Variants in TSPEAR observed in about 807,000 individuals in gnomAD.
TSPEAR encodes thrombospondin type laminin G domain and EAR repeats, also known as thrombospondin-type laminin G domain and EAR repeat-containing protein.
Under a neutral mutation model 71.6 loss-of-function variants are expected in TSPEAR, and 69 were observed. That is an observed-to-expected ratio of 0.96 (90% CI 0.79 to 1.18). The LOEUF (loss-of-function observed/expected upper bound fraction) is 1.18, where lower values mean the gene tolerates loss of function less well. Among genes scored for constraint, TSPEAR ranks in the 50% most tolerant of loss-of-function variants. The probability of loss-of-function intolerance (pLI) is 0.00; values close to 1 mark genes in which losing one functional copy is unlikely to be tolerated. For synonymous variants in TSPEAR, 402 were observed against 387.2 expected (o/e 1.04, Z -0.45); for missense variants, 971 against 894.9 (o/e 1.09, Z -1.09).
intron 1 of TSPEAR, chr21:44,573,647 A>G: frequency 6.6e-7 from 1 of 1,524,534 alleles, no homozygotes; most frequent in Non-Finnish European, 8.8e-7. Context: ...TGTCTGGACA[A>G]CATGCACCAA....
intron 1 of TSPEAR, among the ~76,000 whole-genome samples, chr21:44,570,789 C>T (rs1459201018): frequency 6.6e-6 from 1 of 152,076 alleles, no homozygotes; most frequent in Non-Finnish European, 1.5e-5. Flanking sequence ...AATTGATAAA[C>T]AATATGGAGA....
At chr21:44,517,921 G>A (rs2052631130) in intron 9 of TSPEAR, 1 of 466,756 alleles carries the variant, frequency 2.1e-6, no homozygotes, top group Non-Finnish European at 4.5e-6. Flanking sequence ...AGCCTTCTCT[G>A]ACAATTCCAT....
intron 1 of TSPEAR, among the ~76,000 whole-genome samples, chr21:44,669,613 CTGCCAGG>C (rs1985959869): frequency 2.0e-5 from 3 of 152,088 alleles, no homozygotes; most frequent in African/African-American, 7.2e-5. Flanking sequence ...TGGACTGAGG[CTGCCAGG>C]CTGAAAACCG....
At chr21:44,563,059 G>T (rs1324540638) in intron 2 of TSPEAR, among the ~76,000 whole-genome samples, 1 of 152,068 alleles carries the variant, frequency 6.6e-6, no homozygotes, top group Non-Finnish European at 1.5e-5. Flanking sequence ...ATAACATATA[G>T]AAATCTAATA....
At chr21:44,557,936 G>T in intron 2 of TSPEAR, 1 of 1,226,854 alleles carries the variant, frequency 8.2e-7, no homozygotes, top group East Asian at 2.5e-5. Flanking sequence ...AGCATTGCTG[G>T]CTGGAGGTGC....
chr21:44,586,554 C>A (rs1979350435), intron 1 of TSPEAR, among the ~76,000 whole-genome samples: 1 of 152,084 alleles, frequency 6.6e-6, no homozygotes, highest in Non-Finnish European at 1.5e-5. Context: ...TGTTTCTCAG[C>A]CATCACCAAT....
At chr21:44,524,515 T>G (rs948709610) in intron 8 of TSPEAR, among the ~76,000 whole-genome samples, 1 of 151,646 alleles carries the variant, frequency 6.6e-6, no homozygotes, top group Non-Finnish European at 1.5e-5. Flanking sequence ...AGTCAGGCAG[T>G]CAGTCAGTCA....
In TSPEAR at chr21:44,579,680, G is replaced by A. The variant is rs1259551151; in HGVS notation, c.83-11675C>T. ...CATGGGGGCCCCGTCCCAAGCGGGG[G>A]CAACCTCCTAACCCGAGTCAGGACC... On this transcript the variant is annotated intron_variant, in intron 1 of 11. Coordinates refer to ENST00000323084, the MANE Select transcript of TSPEAR (RefSeq NM_144991.3). 5.2e-6 allele frequency: 8 copies of A among 1,528,382 alleles called. No individual in the cohort carries two copies. In the South Asian group the frequency reaches 7.5e-5, roughly 14 times the overall value. 94.7% of individuals were successfully genotyped at this position (1,528,382 alleles called of 1,614,324 possible).
In TSPEAR at chr21:44,617,722, C is replaced by T. The variant is rs117887490; in HGVS notation, c.83-49717G>A. Among the ~76,000 whole-genome samples the T allele has an allele frequency of 4.8e-3, 725 of 152,368 alleles. 6 individuals are homozygous for T. Among genetic ancestry groups the T allele is most frequent in the Non-Finnish European group, 8.5e-3 (577 of 68,030 alleles). ...ATAAAGAAAAATATCTTATGGTTTT[C>T]TTCAGCAAGCTGCGCAGTGTTCCAA... On this transcript the variant is annotated intron_variant, in intron 1 of 11. Transcript: ENST00000323084.
At chr21:44,556,113 C>T (rs1002124272) in intron 2 of TSPEAR, among the ~76,000 whole-genome samples, 17 of 152,336 alleles carry the variant, frequency 1.1e-4, no homozygotes, top group African/African-American at 3.6e-4. Flanking sequence ...CACGGTGGCT[C>T]ACGCTTGTAA....
intron 1 of TSPEAR, chr21:44,579,549 A>C: frequency 1.6e-6 from 1 of 623,612 alleles, no homozygotes. Flanking sequence ...GCTGGGAGGG[A>C]GGACAGGGGA....
At position 44,528,537 on chromosome 21, in the gene TSPEAR, C is replaced by T. The variant is rs1555915257; in HGVS notation, c.837G>A (p.Glu279=). 2 of 1,614,176 alleles carry T rather than the reference C, an allele frequency of 1.2e-6. No homozygotes were observed. Among genetic ancestry groups the T allele is most frequent in the South Asian group, 1.1e-5 (1 of 91,086 alleles). The change falls in exon 6 of 12, where the codon GAG becomes GAA. Residue 279 remains glutamate, a synonymous_variant. Transcript: ENST00000323084. ...VTLGPQPPCT[E]VEDAQFWFDA... ...CAAACCAGAACTGGGCGTCTTCCAC[C>T]TCGGTACACGGTGGCTGGGGTCCCA...
intron 1 of TSPEAR, among the ~76,000 whole-genome samples, chr21:44,632,117 G>T (rs1983292309): frequency 6.6e-6 from 1 of 152,062 alleles, no homozygotes; most frequent in South Asian, 2.1e-4. Context: ...AAGTAATAAT[G>T]ACCAAAAACT....
chr21:44,598,406 A>G (rs1980514766), intron 1 of TSPEAR, among the ~76,000 whole-genome samples: 1 of 152,346 alleles, frequency 6.6e-6, no homozygotes, highest in South Asian at 2.1e-4. Flanking sequence ...GCAACCAGCC[A>G]TATGGGAGAC....
chr21:44,640,289 C>G (rs888983511), intron 1 of TSPEAR, among the ~76,000 whole-genome samples: 3 of 152,336 alleles, frequency 2.0e-5, no homozygotes, highest in Non-Finnish European at 4.4e-5. Flanking sequence ...TGATGCTCAG[C>G]GAGTGGCCAC....
rs782742507 is a variant in TSPEAR at position 44,529,958 on chromosome 21, CAG to C, written c.634-6_634-5del. ...GGACCAGTTGCCTCACCAGTCCCTG[CAG>C]AGAGAGGGACAGCTCCTTCAGGCCC... On this transcript the variant is annotated splice_region_variant and splice_polypyrimidine_tract_variant and intron_variant, in intron 4 of 11. Coordinates refer to ENST00000323084, the MANE Select transcript of TSPEAR (RefSeq NM_144991.3). 1 of 1,589,078 alleles carries C rather than the reference CAG, an allele frequency of 6.3e-7. No individual in the cohort carries two copies. The highest frequency in any genetic ancestry group is 1.3e-5 in the African/African-American group (1 of 74,672).
chr21:44,580,340 G>A, intron 1 of TSPEAR: 1 of 1,613,990 alleles, frequency 6.2e-7, no homozygotes, highest in Non-Finnish European at 8.5e-7. Flanking sequence ...GGGGGAGGAG[G>A]CGCAGCAAGC....
chr21:44,677,337 G>A, intron 1 of TSPEAR: 1 of 1,352,084 alleles, frequency 7.4e-7, no homozygotes, highest in Non-Finnish European at 1.0e-6. Flanking sequence ...CTCAATCTCA[G>A]AATTGTCCAT....
intron 1 of TSPEAR, chr21:44,580,182 G>A (rs782610925): frequency 1.9e-6 from 3 of 1,614,054 alleles, no homozygotes; most frequent in Non-Finnish European, 2.5e-6. Context: ...CAGCAGACAG[G>A]CACACAGCAG....
Sources: allele counts gnomAD v4.1 joint callset (sites outside exome capture counted in the v4.1 genomes callset), GRCh38; gene constraint gnomAD v4.1.1; transcripts MANE v1.5; gene names NCBI Gene and HGNC (gene_info 2026-07-23, HGNC 2026-07-21).